Variants in ZDHHC14 observed in about 807,000 individuals in gnomAD.
The protein encoded by ZDHHC14 is palmitoyltransferase ZDHHC14.
A neutral mutation model predicts 47.7 loss-of-function variants in ZDHHC14; 16 were observed. That is an observed-to-expected ratio of 0.34 (90% CI 0.23 to 0.51). The LOEUF (loss-of-function observed/expected upper bound fraction) is 0.51, where lower values mean the gene tolerates loss of function less well. ZDHHC14 is among the 20% of genes least tolerant of loss of function. The pLI, the probability that ZDHHC14 is intolerant of heterozygous loss-of-function variation, is 0.97. For synonymous variants in ZDHHC14, 293 were observed against 278.9 expected, an observed-to-expected ratio of 1.05 and a Z score of -0.50; for missense variants, 515 against 662.5, an observed-to-expected ratio of 0.78 and a Z score of 2.44.
intron 1 of ZDHHC14, among the ~76,000 whole-genome samples, chr6:157,431,477 G>A (rs1425859029): frequency 6.6e-6 from 1 of 152,194 alleles, no homozygotes; most frequent in Non-Finnish European, 1.5e-5. Context: ...GGGAAAGAGT[G>A]AAGGAGCTGC....
intron 8 of ZDHHC14, among the ~76,000 whole-genome samples, chr6:157,659,994 G>C (rs368637023): frequency 6.6e-6 from 1 of 152,170 alleles, no homozygotes. Flanking sequence ...GAGGTTTAGC[G>C]CTTTAGAATG....
At chr6:157,529,391 A>G (rs374319985) in intron 1 of ZDHHC14, among the ~76,000 whole-genome samples, 1 of 152,280 alleles carries the variant, frequency 6.6e-6, no homozygotes, top group Middle Eastern at 3.4e-3. Flanking sequence ...GTATACATGT[A>G]TTTTGCAATA....
intron 1 of ZDHHC14, among the ~76,000 whole-genome samples, chr6:157,527,881 CT>C (rs934905567): frequency 2.6e-5 from 4 of 152,272 alleles, no homozygotes; most frequent in Admixed American, 2.0e-4. Flanking sequence ...AGGGATGTAG[CT>C]GTAGGAGGGG....
At chr6:157,444,402 G>T (rs971777037) in intron 1 of ZDHHC14, among the ~76,000 whole-genome samples, 1 of 152,230 alleles carries the variant, frequency 6.6e-6, no homozygotes, top group Non-Finnish European at 1.5e-5. Flanking sequence ...ACTAGGCTGG[G>T]CATGGTGGCT....
chr6:157,470,788 TC>T (rs1779334098), intron 1 of ZDHHC14, among the ~76,000 whole-genome samples: 1 of 152,212 alleles, frequency 6.6e-6, no homozygotes, highest in African/African-American at 2.4e-5. Context: ...TGTCTCCAGC[TC>T]ATGAACCCAG....
chr6:157,541,549 G>A (rs1781764576), intron 1 of ZDHHC14, among the ~76,000 whole-genome samples: 1 of 152,178 alleles, frequency 6.6e-6, no homozygotes, highest in Non-Finnish European at 1.5e-5. Flanking sequence ...CTTCTGATGA[G>A]GTGGGCAATC....
chr6:157,388,581 A>G (rs187777321), intron 1 of ZDHHC14, among the ~76,000 whole-genome samples: 53 of 152,346 alleles, frequency 3.5e-4, no homozygotes, highest in Non-Finnish European at 8.8e-5. Flanking sequence ...TTTGGATCTA[A>G]TAAAATGTCA....
chr6:157,423,410 T>C (rs1009904192), intron 1 of ZDHHC14, among the ~76,000 whole-genome samples: 5 of 152,182 alleles, frequency 3.3e-5, no homozygotes, highest in Non-Finnish European at 1.5e-5. Context: ...AGACTTTTTT[T>C]TCTTAGTGCA....
intron 1 of ZDHHC14, among the ~76,000 whole-genome samples, chr6:157,532,204 G>A (rs140189415): frequency 2.0e-5 from 3 of 152,394 alleles, no homozygotes; most frequent in East Asian, 1.9e-4. Context: ...AGCCTCAGTG[G>A]TGTTCAGTGT....
At chr6:157,629,699 C>CT (rs1253155668) in intron 4 of ZDHHC14, 2 of 152,150 alleles carry the variant, frequency 1.3e-5, no homozygotes, top group Non-Finnish European at 2.9e-5. Context: ...GTAATATGTG[C>CT]TTGAGAGCCA....
At chr6:157,645,707 A>C in intron 5 of ZDHHC14, 30 bp from the exon 6 acceptor site, 1 of 1,596,366 alleles carries the variant, frequency 6.3e-7, no homozygotes, top group Admixed American at 1.7e-5. Flanking sequence ...GCGGTCCCTC[A>C]CTTCCGCTTG....
At chr6:157,573,846 C>A (rs1783193677) in intron 2 of ZDHHC14, among the ~76,000 whole-genome samples, 1 of 152,130 alleles carries the variant, frequency 6.6e-6, no homozygotes, top group Non-Finnish European at 1.5e-5. Flanking sequence ...CCAGGGTCCA[C>A]CCTCCCACAT....
intron 2 of ZDHHC14, among the ~76,000 whole-genome samples, chr6:157,577,058 T>G (rs1783335962): frequency 6.6e-6 from 1 of 152,106 alleles, no homozygotes; most frequent in Non-Finnish European, 1.5e-5. Context: ...TGTTCCCCTC[T>G]TTGTGTCTGT....
intron 1 of ZDHHC14, among the ~76,000 whole-genome samples, chr6:157,532,774 T>C (rs1041058742): frequency 6.6e-6 from 1 of 152,208 alleles, no homozygotes; most frequent in Non-Finnish European, 1.5e-5. Flanking sequence ...GTAAGACAAC[T>C]TGCAAAAATC....
At chr6:157,655,774 A>G (rs536097389) in intron 8 of ZDHHC14, among the ~76,000 whole-genome samples, 1 of 152,256 alleles carries the variant, frequency 6.6e-6, no homozygotes, top group South Asian at 2.1e-4. Flanking sequence ...CCTTCAGTAG[A>G]ATTGACCACC....
chr6:157,666,066 C>T (rs565999623), intron 8 of ZDHHC14, among the ~76,000 whole-genome samples: 16 of 152,296 alleles, frequency 1.1e-4, no homozygotes, highest in Admixed American at 1.0e-3. Flanking sequence ...AATGTATATG[C>T]ATGACATACT....
chr6:157,627,947 C>G (rs1282797611), intron 3 of ZDHHC14, among the ~76,000 whole-genome samples: 9 of 152,160 alleles, frequency 5.9e-5, no homozygotes. Context: ...GTCACTTGAT[C>G]GACATCCAGC....
chr6:157,476,234 A>C (rs376952901), intron 1 of ZDHHC14, among the ~76,000 whole-genome samples: 4 of 152,316 alleles, frequency 2.6e-5, no homozygotes, highest in Admixed American at 1.3e-4. Context: ...GAAATGAAAG[A>C]GGAGACTTAC....
At chr6:157,646,099 T>C (rs982274028) in intron 6 of ZDHHC14, among the ~76,000 whole-genome samples, 17 of 152,190 alleles carry the variant, frequency 1.1e-4, no homozygotes, top group African/African-American at 4.1e-4. Flanking sequence ...TTTCTGGCCC[T>C]GAAGAGAGTG....
Sources: gnomAD v4.1 joint callset for allele counts (sites outside exome capture counted in the v4.1 genomes callset) on GRCh38, gnomAD v4.1.1 for gene constraint, MANE v1.5 for transcripts, NCBI Gene and HGNC (gene_info 2026-07-23, HGNC 2026-07-21) for gene names.